CUL9: variants seen among roughly 807,000 people sequenced by gnomAD.
The protein encoded by CUL9 is cullin-9.
In CUL9, 79 loss-of-function variants were observed where a neutral mutation model predicts 272.6. The observed-to-expected ratio is 0.29, with a 90% CI of 0.24 to 0.35. The LOEUF (loss-of-function observed/expected upper bound fraction) is 0.35, where lower values mean the gene tolerates loss of function less well. Among genes scored for constraint, CUL9 ranks in the 10% least tolerant of loss-of-function variants. CUL9 has a pLI of 1.00. For missense variants in CUL9, 2,532 were observed against 3,255.6 expected, an observed-to-expected ratio of 0.78 and a Z score of 5.41; for synonymous variants, 1,186 against 1,286.5, an observed-to-expected ratio of 0.92 and a Z score of 1.67.
Position 43,200,580 on chromosome 6 carries a change from T to C in CUL9, c.3475+54T>C. 1 of 1,613,944 alleles carries C rather than the reference T, an allele frequency of 6.2e-7. No individual in the cohort carries two copies. The highest frequency in any genetic ancestry group is 8.5e-7 in the Non-Finnish European group (1 of 1,179,830). On this transcript the variant is annotated intron_variant, in intron 15 of 40. Coordinates refer to ENST00000252050, the MANE Select transcript of CUL9 (RefSeq NM_015089.4). The surrounding 1 kb of genome is among the most constrained non-coding windows in gnomAD (Gnocchi z 4.0). ...CTCCCATCCAGTGTCTGTTCTCCCC[T>C]TCCCTTCCTGCTCCTTAGACCTTTT...
At chr6:43,192,807 G>T (rs1773648008) in intron 8 of CUL9, among the ~76,000 whole-genome samples, 194 bp from the exon 9 acceptor site, 1 of 152,218 alleles carries the variant, frequency 6.6e-6, no homozygotes, top group African/African-American at 2.4e-5. Flanking sequence ...TAGCCGAGGA[G>T]CCAGAGGCAG....
Position 43,213,448 on chromosome 6 carries a change from T to C in CUL9, c.5369T>C (p.Val1790Ala), listed in dbSNP as rs775506002. 1 of 1,614,192 alleles carries C rather than the reference T, an allele frequency of 6.2e-7. No individual in the cohort carries two copies. Among genetic ancestry groups the C allele is most frequent in the East Asian group, 2.2e-5 (1 of 44,888 alleles). The change falls in exon 28 of 41, where the codon GTA becomes GCA. Residue 1790 changes from valine to alanine, a missense_variant. Val to Ala is a moderately conservative substitution (Grantham distance 64, BLOSUM62 0). Coordinates refer to ENST00000252050, the MANE Select transcript of CUL9 (RefSeq NM_015089.4). This position sits in a 1 kb window ranked among gnomAD's most constrained non-coding sequence, Gnocchi z 5.7. ...LKFNQTEEVS[V>A]ETLLKDSDLS... is the part of the protein sequence containing the mutation. ...GTTTCTGCTCATCAGGAGGTGTCAG[T>C]AGAGACCTTGCTGAAGGATTCTGAC...
Position 43,200,296 on chromosome 6 carries a change from C to A in CUL9, c.3384+140C>A. On this transcript the variant is annotated intron_variant, in intron 14 of 40. Transcript: ENST00000252050. The surrounding 1 kb of genome is among the most constrained non-coding windows in gnomAD (Gnocchi z 4.0). Reference sequence around the variant, plus strand: ...GGCACTTGTTTCCTAACCTTGACTCCACATGGTTCTGTCAAAATGTGGGGA... The same window carrying A: ...GGCACTTGTTTCCTAACCTTGACTCAACATGGTTCTGTCAAAATGTGGGGA... 1 of 1,495,136 alleles carries A rather than the reference C, an allele frequency of 6.7e-7. No homozygotes were observed. Among genetic ancestry groups the A allele is most frequent in the Non-Finnish European group, 9.2e-7 (1 of 1,091,332 alleles). 92.6% of individuals were successfully genotyped at this position (1,495,136 alleles called of 1,614,324 possible).
Position 43,198,765 on chromosome 6 carries a change from G to A in CUL9, c.2960G>A (p.Arg987His), listed in dbSNP as rs762821678. ...GGTGCCGTGAGGCCCCTCCTCAAGC[G>A]CCTCCAGCAGGAGACCCAGCCTTTC... ...PGGAVRPLLKRLQQETQPFLL... is the reference protein window; with the variant it reads ...PGGAVRPLLKHLQQETQPFLL... Residue 987 changes from arginine (R) to histidine (H), a missense_variant, in exon 12 of 41, where the codon CGC becomes CAC. Physicochemically the swap from Arg to His is conservative, Grantham distance 29. Around this residue, in one of 3 missense-constraint regions of CUL9, gnomAD observed 2,218 missense variants for 2,788.6 expected, o/e 0.80. Transcript: ENST00000252050. 24 of 1,614,024 alleles carry A rather than the reference G, an allele frequency of 1.5e-5. No homozygotes were observed. The highest frequency in any genetic ancestry group is 2.0e-5 in the Non-Finnish European group (24 of 1,180,030).
intron 24 of CUL9, among the ~76,000 whole-genome samples, 173 bp from the exon 25 acceptor site, chr6:43,205,834 A>C (rs1775001643): frequency 6.6e-6 from 1 of 151,892 alleles, no homozygotes; most frequent in Non-Finnish European, 1.5e-5. Flanking sequence ...CGTCTCAAAA[A>C]AAAAAAAAAA....
At chr6:43,188,261 C>T in intron 7 of CUL9, 143 bp downstream of exon 7, 1 of 984,180 alleles carries the variant, frequency 1.0e-6, no homozygotes, top group Non-Finnish European at 1.5e-6. Flanking sequence ...CGTCCATCTT[C>T]TTCCTTTTGA....
In CUL9 at chr6:43,216,391, T is replaced by C. The variant is rs1775931518; in HGVS notation, c.6170T>C (p.Val2057Ala). The C allele has an allele frequency of 6.2e-7, 1 of 1,614,004 alleles. No homozygotes were observed. The highest frequency in any genetic ancestry group is 8.5e-7 in the Non-Finnish European group (1 of 1,180,012). Residue 2057 changes from valine (V) to alanine (A), a missense_variant, in exon 31 of 41, where the codon GTA (valine) becomes GCA (alanine). Physicochemically the swap from Val to Ala is moderately conservative, Grantham distance 64. Coordinates refer to ENST00000252050, the MANE Select transcript of CUL9 (RefSeq NM_015089.4). ...CTGCTGCTGGCAGCTGGGCTGTGCGTACACCAGGCTCAGGCTGTACCCGTA... is the reference window on the plus strand; with the variant it reads ...CTGCTGCTGGCAGCTGGGCTGTGCGCACACCAGGCTCAGGCTGTACCCGTA... ...EPLLLAAGLC[V>A]HQAQAVPVRP...
intron 23 of CUL9, 21 bp from the exon 24 acceptor site, chr6:43,205,242 T>C: frequency 6.2e-7 from 1 of 1,610,942 alleles, no homozygotes; most frequent in African/African-American, 1.3e-5. Context: ...GGTTTGCTCA[T>C]GCCCTTTCCC....
chr6:43,189,697 C>T (rs1263690979), intron 8 of CUL9, among the ~76,000 whole-genome samples: 1 of 152,122 alleles, frequency 6.6e-6, no homozygotes. Flanking sequence ...GTGCCCACCA[C>T]CAGGCCCAGC....
chr6:43,220,514 G>A lies in CUL9; in HGVS notation c.6338G>A (p.Cys2113Tyr), dbSNP rs1394274306. Residue 2113 changes from cysteine (C) to tyrosine (Y), a missense_variant, in exon 32 of 41, where the codon TGC (cysteine) becomes TAC (tyrosine). Physicochemically the swap from Cys to Tyr is radical, Grantham distance 194. This residue lies in a region of CUL9 where 2,218 missense variants were observed against 2,788.6 expected (regional missense o/e 0.80). Transcript: ENST00000252050. This position sits in a 1 kb window ranked among gnomAD's most constrained non-coding sequence, Gnocchi z 4.9. ...TRIEQNLVLN[C>Y]TCPIADCPAQ... is the part of the protein sequence containing the mutation. The stretch of plus-strand genomic sequence containing the variant: ...ATCGAGCAGAACCTTGTTTTGAATT[G>A]CACCTGCCCCATTGCCGACTGCCCC... The A allele has an allele frequency of 6.2e-7, 1 of 1,614,092 alleles. No homozygotes were observed. Among genetic ancestry groups the A allele is most frequent in the Admixed American group, 1.7e-5 (1 of 60,020 alleles).
At chr6:43,191,654 G>A (rs1423794124) in intron 8 of CUL9, among the ~76,000 whole-genome samples, 2 of 151,192 alleles carry the variant, frequency 1.3e-5, no homozygotes, top group East Asian at 2.0e-4. Context: ...GTGCAATCTC[G>A]GCTCACTGCA....
Position 43,200,960 on chromosome 6 carries a change from G to C in CUL9, c.3647+126G>C. ...CACACTCAAACCTATTTTGTGCAGT[G>C]AACACATAGACACATTGACCTGCCT... On this transcript the variant is annotated intron_variant, in intron 16 of 40. Coordinates refer to ENST00000252050, the MANE Select transcript of CUL9 (RefSeq NM_015089.4). This position sits in a 1 kb window ranked among gnomAD's most constrained non-coding sequence, Gnocchi z 4.0. 1 of 1,213,474 alleles carries C rather than the reference G, an allele frequency of 8.2e-7. No homozygotes were observed. The highest frequency in any genetic ancestry group is 1.2e-6 in the Non-Finnish European group (1 of 850,756). The allele number at this position is 1,213,474 out of a possible 1,614,324, so 75.2% of individuals were successfully genotyped here.
chr6:43,183,275 A>G (rs562702834), intron 1 of CUL9, among the ~76,000 whole-genome samples: 7 of 152,318 alleles, frequency 4.6e-5, no homozygotes, highest in African/African-American at 1.2e-4. Flanking sequence ...TACATGCAGT[A>G]TAAGGGCAGG....
At chr6:43,188,832 G>A in intron 8 of CUL9, 117 bp downstream of exon 8, 1 of 813,696 alleles carries the variant, frequency 1.2e-6, no homozygotes, top group Non-Finnish European at 1.9e-6. Flanking sequence ...GGAAGGCTCA[G>A]CCTGAGGAGC....
At position 43,223,097 on chromosome 6, in the gene CUL9, C is replaced by T. The variant is rs1004701905; in HGVS notation, c.7151-167C>T. 25 of 1,065,652 alleles carry T rather than the reference C, an allele frequency of 2.3e-5. No individual in the cohort carries two copies. The highest frequency in any genetic ancestry group is 6.4e-5 in the African/African-American group (4 of 62,436). 66.0% of individuals were successfully genotyped at this position (1,065,652 alleles called of 1,614,324 possible). On this transcript the variant is annotated intron_variant, in intron 38 of 40. Transcript: ENST00000252050. This position sits in a 1 kb window ranked among gnomAD's most constrained non-coding sequence, Gnocchi z 4.1. ...TAAGGTGCCCAAGGGCGCAGATGTT[C>T]GTGGATGTTTCTTGGTTTCTGGTCT...
intron 8 of CUL9, among the ~76,000 whole-genome samples, chr6:43,191,741 C>T (rs1010515551): frequency 2.0e-5 from 3 of 151,742 alleles, no homozygotes; most frequent in East Asian, 1.9e-4. Context: ...TGCACCACCA[C>T]GCCTGGCTAA....
At chr6:43,185,031 G>A in intron 2 of CUL9, 126 bp downstream of exon 2, 1 of 758,244 alleles carries the variant, frequency 1.3e-6, no homozygotes, top group South Asian at 1.9e-5. Flanking sequence ...TTGATGCAAA[G>A]GAAAAAATAT....
rs1388639596 is a variant in CUL9, at chr6:43,213,053, A to G, written c.5213-96A>G. 3 of 1,389,334 alleles carry G rather than the reference A, an allele frequency of 2.2e-6. No individual in the cohort carries two copies. The highest frequency in any genetic ancestry group is 1.3e-5 in the South Asian group (1 of 75,674). The allele number at this position is 1,389,334 out of a possible 1,614,324, so 86.1% of individuals were successfully genotyped here. A position where few individuals can be genotyped will look rare whatever the true frequency, so the allele number is the denominator to read the frequency against. ...TGAAAATGCTGGGGCCCTCCTCCCC[A>G]TAGGGACTAGTAGGAGCAAAGCTTG... On this transcript the variant is annotated intron_variant, in intron 26 of 40. Coordinates refer to ENST00000252050, the MANE Select transcript of CUL9 (RefSeq NM_015089.4). This position sits in a 1 kb window ranked among gnomAD's most constrained non-coding sequence, Gnocchi z 5.7.
At chr6:43,222,443 T>TGGGGTGGA in intron 36 of CUL9, 53 bp downstream of exon 36, 7 of 526,478 alleles carry the variant, frequency 1.3e-5, no homozygotes, top group Non-Finnish European at 1.9e-5. Flanking sequence ...GTTGGGGTGG[T>TGGGGTGGA]GGGGTGGAGG....
Sources: allele counts gnomAD v4.1 joint callset (sites outside exome capture counted in the v4.1 genomes callset), GRCh38; gene constraint gnomAD v4.1.1; regional missense constraint gnomAD v4.1.1; non-coding constraint Gnocchi (gnomAD v3.1); transcripts MANE v1.5; gene names NCBI Gene and HGNC (gene_info 2026-07-23, HGNC 2026-07-21).